Variants in KCNC2 observed in about 807,000 individuals in gnomAD.
The protein encoded by KCNC2 is potassium voltage-gated channel subfamily C member 2.
In KCNC2, 21 loss-of-function variants were observed where a neutral mutation model predicts 44.5. That is an observed-to-expected ratio of 0.47 (90% CI 0.33 to 0.68). KCNC2 has a LOEUF of 0.68. KCNC2 is among the 30% of genes least tolerant of loss of function. The pLI, the probability that KCNC2 is intolerant of heterozygous loss-of-function variation, is 0.01. For synonymous variants in KCNC2, 391 were observed against 339.1 expected (o/e 1.15, Z -1.68); for missense variants, 589 against 826.2 (o/e 0.71, Z 3.52).
chr12:75,153,959 G>C (rs1362758404), intron 2 of KCNC2, among the ~76,000 whole-genome samples: 1 of 151,858 alleles, frequency 6.6e-6, no homozygotes, highest in Non-Finnish European at 1.5e-5. Flanking sequence ...AGGGGAGGCA[G>C]GAGAGGCAGG....
At position 75,076,038 on chromosome 12, in the gene KCNC2, TACACACACACACACACACAC is replaced by T. The variant is rs71078709; in HGVS notation, c.688-24741_688-24722del. 3.5e-5 allele frequency among the ~76,000 whole-genome samples: 5 copies of T among 141,418 alleles called. No homozygotes were observed. The South Asian group carries it at 9.2e-4, about 26-fold the overall frequency. 92.8% of individuals were successfully genotyped at this position (141,418 alleles called of 152,430 possible). A position where few individuals can be genotyped will look rare whatever the true frequency, so the allele number is the denominator to read the frequency against. ...GGCTTAATGCCTTATTAATGTTACATACACACACACACACACACACACACACACACACACACACACACGCT... is the reference window on the plus strand; with the variant it reads ...GGCTTAATGCCTTATTAATGTTACATACACACACACACACACACACACGCT... On this transcript the variant is annotated intron_variant, in intron 2 of 4. Transcript: ENST00000549446.
intron 2 of KCNC2, among the ~76,000 whole-genome samples, chr12:75,171,560 A>T (rs577326866): frequency 8.9e-4 from 136 of 152,002 alleles, no homozygotes; most frequent in African/African-American, 3.2e-3. Context: ...GACAAATATC[A>T]TATGTGAAAG....
chr12:75,102,310 A>C (rs1245480724), intron 2 of KCNC2, among the ~76,000 whole-genome samples: 2 of 152,104 alleles, frequency 1.3e-5, no homozygotes, highest in Admixed American at 6.6e-5. Flanking sequence ...TGTTGAGTAA[A>C]TCTGACTCTT....
rs887657990 is a variant in KCNC2 at position 75,041,207 on chromosome 12, C to T, written c.*1898G>A. ...AATCCATGATAAATTCTGTACAACA[C>T]TGTAGTCAATAACAGCAGCACCAGA... On this transcript the variant is annotated 3_prime_UTR_variant, in exon 5 of 5. Transcript: ENST00000549446. 1 of 1,595,502 alleles carries T rather than the reference C, an allele frequency of 6.3e-7. No individual in the cohort carries two copies.
At chr12:75,046,694 T>G (rs781558482) in intron 4 of KCNC2, among the ~76,000 whole-genome samples, 20 of 152,018 alleles carry the variant, frequency 1.3e-4, no homozygotes, top group Non-Finnish European at 2.1e-4. Flanking sequence ...TTAAAGATTT[T>G]TCTAGCACAT....
At chr12:75,181,972 C>G (rs1329891866) in intron 2 of KCNC2, among the ~76,000 whole-genome samples, 2 of 91,022 alleles carry the variant, frequency 2.2e-5, no homozygotes, top group South Asian at 3.9e-4. Flanking sequence ...CAAGGCTTCA[C>G]CATGTTGGCC....
chr12:75,199,665 T>A (rs546960878), intron 2 of KCNC2, among the ~76,000 whole-genome samples: 1 of 151,844 alleles, frequency 6.6e-6, no homozygotes, highest in Non-Finnish European at 1.5e-5. Context: ...CTCCAATAGC[T>A]CTAAATGCTT....
At chr12:75,152,030 G>A (rs1255271559) in intron 2 of KCNC2, among the ~76,000 whole-genome samples, 2 of 140,544 alleles carry the variant, frequency 1.4e-5, no homozygotes, top group Admixed American at 1.4e-4. Context: ...TATAATTATA[G>A]GTTAAGAAAG....
At chr12:75,081,565 G>T (rs976291850) in intron 2 of KCNC2, among the ~76,000 whole-genome samples, 5 of 151,506 alleles carry the variant, frequency 3.3e-5, no homozygotes, top group Non-Finnish European at 7.4e-5. Context: ...TTGGTTGCTG[G>T]GTATAGTTTG....
intron 2 of KCNC2, among the ~76,000 whole-genome samples, chr12:75,172,690 G>A (rs1255440073): frequency 6.6e-6 from 1 of 151,702 alleles, no homozygotes. Context: ...TTGGCAACTG[G>A]GAGCTTAGAA....
At chr12:75,155,226 C>T (rs543238650) in intron 2 of KCNC2, among the ~76,000 whole-genome samples, 1 of 151,962 alleles carries the variant, frequency 6.6e-6, no homozygotes, top group South Asian at 2.1e-4. Context: ...TGGATTAGGG[C>T]CTGATTTTAT....
intron 2 of KCNC2, among the ~76,000 whole-genome samples, chr12:75,138,659 G>A (rs1427246045): frequency 6.6e-6 from 1 of 152,048 alleles, no homozygotes; most frequent in Non-Finnish European, 1.5e-5. Flanking sequence ...AGCAGAAGAG[G>A]TTGTCAAAGA....
intron 2 of KCNC2, among the ~76,000 whole-genome samples, chr12:75,153,373 C>T (rs1004012956): frequency 6.6e-6 from 1 of 151,868 alleles, no homozygotes; most frequent in Non-Finnish European, 1.5e-5. Flanking sequence ...ATTTGACTCC[C>T]ACAAATACTG....
intron 2 of KCNC2, among the ~76,000 whole-genome samples, chr12:75,201,277 A>C (rs2031235850): frequency 8.4e-6 from 1 of 119,140 alleles, no homozygotes; most frequent in African/African-American, 3.1e-5. Flanking sequence ...AAAAAAAAAA[A>C]AAAAAAAAAA....
At chr12:75,110,719 G>T (rs1002850040) in intron 2 of KCNC2, among the ~76,000 whole-genome samples, 19 of 151,970 alleles carry the variant, frequency 1.3e-4, no homozygotes, top group African/African-American at 4.6e-4. Context: ...TCTTTTCAAT[G>T]TAATGTATTT....
intron 2 of KCNC2, among the ~76,000 whole-genome samples, chr12:75,130,434 A>T (rs1270425796): frequency 2.6e-5 from 4 of 152,164 alleles, no homozygotes; most frequent in Admixed American, 6.5e-5. Context: ...AAACTACATA[A>T]CACAACACAA....
At chr12:75,188,508 T>C (rs1593060138) in intron 2 of KCNC2, among the ~76,000 whole-genome samples, 2 of 152,098 alleles carry the variant, frequency 1.3e-5, no homozygotes, top group African/African-American at 4.8e-5. Context: ...TTATTTACTA[T>C]ATATCTGAAA....
chr12:75,141,689 T>C (rs1421411310), intron 2 of KCNC2, among the ~76,000 whole-genome samples: 1 of 152,184 alleles, frequency 6.6e-6, no homozygotes, highest in East Asian at 1.9e-4. Context: ...TTGAGTAATG[T>C]TGTGGCTAAT....
chr12:75,125,000 G>C (rs1301098018), intron 2 of KCNC2: 1 of 152,314 alleles, frequency 6.6e-6, no homozygotes, highest in Admixed American at 6.5e-5. Flanking sequence ...TAGCTATGCG[G>C]GAGGCTGAAG....
Sources: gnomAD v4.1 joint callset for allele counts (sites outside exome capture counted in the v4.1 genomes callset) on GRCh38, gnomAD v4.1.1 for gene constraint, MANE v1.5 for transcripts, NCBI Gene and HGNC (gene_info 2026-07-23, HGNC 2026-07-21) for gene names.